Variants in NUP210 observed in about 807,000 individuals in gnomAD.
NUP210 encodes nuclear pore membrane glycoprotein 210.
Under a neutral mutation model 196.0 loss-of-function variants are expected in NUP210, and 151 were observed. That is an observed-to-expected ratio of 0.77 (90% CI 0.67 to 0.88). NUP210 has a LOEUF of 0.88. Among genes scored for constraint, NUP210 ranks in the 40% least tolerant of loss-of-function variants. NUP210 has a pLI of 0.00. For missense variants in NUP210, 2,314 were observed against 2,493.7 expected, an observed-to-expected ratio of 0.93 and a Z score of 1.53; for synonymous variants, 1,070 against 1,052.7, an observed-to-expected ratio of 1.02 and a Z score of -0.32.
chr3:13,367,618 G>A (rs770671553), intron 13 of NUP210, among the ~76,000 whole-genome samples: 21 of 151,986 alleles, frequency 1.4e-4, no homozygotes, highest in Non-Finnish European at 2.6e-4. Context: ...CCCCCCTGGC[G>A]CCTACCAGCA....
At position 13,399,847 on chromosome 3, in the gene NUP210, G is replaced by A. The variant is rs758491142; in HGVS notation, c.182C>T (p.Pro61Leu). The change falls in exon 2 of 40, where the codon CCG (proline) becomes CTG (leucine). Residue 61 changes from proline (P) to leucine (L), a missense_variant. By Grantham distance (98) the Pro-to-Leu change is moderately conservative. Coordinates refer to ENST00000254508, the MANE Select transcript of NUP210 (RefSeq NM_024923.4). Reference sequence around the variant, plus strand: ...CAGCGGCTCGATGCTGGCCACCTCCGGCCGGGTGGACAACCTGCAGTGGAA... The same window carrying A: ...CAGCGGCTCGATGCTGGCCACCTCCAGCCGGGTGGACAACCTGCAGTGGAA... The part of the protein sequence containing the change: ...EGCYRWLSTR[P>L]EVASIEPLGL... 3.0e-5 allele frequency: 48 copies of A among 1,608,682 alleles called. No individual in the cohort carries two copies. The highest frequency in any genetic ancestry group is 1.8e-4 in the South Asian group (16 of 90,246).
chr3:13,387,682 C>A (rs943530676), intron 5 of NUP210, among the ~76,000 whole-genome samples: 2 of 152,210 alleles, frequency 1.3e-5, no homozygotes, highest in African/African-American at 4.8e-5. Flanking sequence ...CAGCTCAAAA[C>A]GAGGCACTGG....
chr3:13,401,688 T>C (rs1699845465), intron 1 of NUP210, among the ~76,000 whole-genome samples: 1 of 152,144 alleles, frequency 6.6e-6, no homozygotes, highest in South Asian at 2.1e-4. Context: ...ACAGCACTAG[T>C]GCCCTACGGT....
At position 13,403,173 on chromosome 3, in the gene NUP210, C is replaced by G. The variant is rs534321118; in HGVS notation, c.168-3312G>C. Among the ~76,000 whole-genome samples, 4 of 152,358 alleles carry G rather than the reference C, an allele frequency of 2.6e-5. No individual in the cohort carries two copies. In the South Asian group the frequency reaches 8.3e-4, roughly 32 times the overall value. ...GTACTGGCTGCATTTTCAGAGCTCA[C>G]AGTCACACGTCTTAGTCTTTTGGGG... On this transcript the variant is annotated intron_variant, in intron 1 of 39. Transcript: ENST00000254508.
chr3:13,411,374 G>T (rs893868018), intron 1 of NUP210, among the ~76,000 whole-genome samples: 1 of 152,244 alleles, frequency 6.6e-6, no homozygotes, highest in Admixed American at 6.5e-5. Flanking sequence ...TTTGGACACA[G>T]CTCTGCCACT....
In NUP210 at chr3:13,379,596, G is replaced by A. The variant is rs149916127; in HGVS notation, c.943C>T (p.Leu315=). 6.2e-7 allele frequency: 1 copy of A among 1,614,146 alleles called. No homozygotes were observed. Among genetic ancestry groups the A allele is most frequent in the Non-Finnish European group, 8.5e-7 (1 of 1,180,042 alleles). ...QDTSMVTALQ[L]GQSSLVLGHR... is the part of the protein sequence containing the mutation. ...CCAAGGACGAGGCTGCTCTGTCCCAGCTGCAGTGCAGTGACCATCGACGTG... is the reference window on the plus strand; with the variant it reads ...CCAAGGACGAGGCTGCTCTGTCCCAACTGCAGTGCAGTGACCATCGACGTG... The change falls in exon 7 of 40, where the codon CTG becomes TTG. Residue 315 remains leucine, a synonymous_variant. Transcript: ENST00000254508. The surrounding 1 kb of genome is among the most constrained non-coding windows in gnomAD (Gnocchi z 4.2).
Position 13,379,642 on chromosome 3 carries a change from C to G in NUP210, c.897G>C (p.Pro299=). 2 of 1,614,090 alleles carry G rather than the reference C, an allele frequency of 1.2e-6. No homozygotes were observed. The highest frequency in any genetic ancestry group is 1.7e-6 in the Non-Finnish European group (2 of 1,180,018). The change falls in exon 7 of 40, where the codon CCG becomes CCC. Residue 299 remains proline (P), a synonymous_variant. Coordinates refer to ENST00000254508, the MANE Select transcript of NUP210 (RefSeq NM_024923.4). The surrounding 1 kb of genome is among the most constrained non-coding windows in gnomAD (Gnocchi z 4.2). ...ACGTGTCCTGGGCCAAGACAGCCAC[C>G]GGCCGGGCTGGGTCTCCTTCGGGGC... ...IPGPEGDPAR[P]VAVLAQDTSM...
At position 13,348,529 on chromosome 3, in the gene NUP210, C is replaced by T; in HGVS notation, c.2835+3350G>A. 1 of 985,394 alleles carries T rather than the reference C, an allele frequency of 1.0e-6. No individual in the cohort carries two copies. Among genetic ancestry groups the T allele is most frequent in the South Asian group, 4.7e-5 (1 of 21,284 alleles). The allele number at this position is 985,394 out of a possible 1,614,324, so 61.0% of individuals were successfully genotyped here. A position where few individuals can be genotyped will look rare whatever the true frequency, so the allele number is the denominator to read the frequency against. ...GTTTTTATTAATTTCCAAAAATAAA[C>T]AAAACAAGGCATATGTCAAGCAGTC... On this transcript the variant is annotated intron_variant, in intron 20 of 39. Transcript: ENST00000254508. The surrounding 1 kb of genome is among the most constrained non-coding windows in gnomAD (Gnocchi z 4.0).
chr3:13,342,211 C>T (rs1210810142), intron 21 of NUP210, 88 bp from the exon 22 acceptor site: 4 of 1,513,938 alleles, frequency 2.6e-6, no homozygotes, highest in Non-Finnish European at 3.6e-6. Flanking sequence ...GAGATAGCAT[C>T]ACTAACCTCA....
At chr3:13,401,709 G>C (rs116015721) in intron 1 of NUP210, among the ~76,000 whole-genome samples, 1 of 152,044 alleles carries the variant, frequency 6.6e-6, no homozygotes, top group Admixed American at 6.5e-5. Flanking sequence ...GTTTTTCGAG[G>C]GGCTTTAAAC....
rs1699355054 is a variant in NUP210, at chr3:13,388,372, G to C, written c.615C>G (p.Thr205=). ...EMEKAAKQGD[T]ILVSGMKTGS... The stretch of plus-strand genomic sequence containing the variant: ...CGGTCTTCATCCCAGACACCAGGAT[G>C]GTGTCCCCTTGCTTGGCAGCCTTCT... Residue 205 remains threonine, a synonymous_variant, in exon 5 of 40, where the codon ACC becomes ACG. Transcript: ENST00000254508. The C allele has an allele frequency of 6.2e-7, 1 of 1,612,906 alleles. No individual in the cohort carries two copies. The highest frequency in any genetic ancestry group is 1.3e-5 in the African/African-American group (1 of 74,964).
At position 13,350,921 on chromosome 3, in the gene NUP210, A is replaced by C. The variant is rs1338795387; in HGVS notation, c.2835+958T>G. 6.6e-6 allele frequency among the ~76,000 whole-genome samples: 1 copy of C among 151,960 alleles called. No homozygotes were observed. The highest frequency in any genetic ancestry group is 1.5e-5 in the Non-Finnish European group (1 of 67,980). On this transcript the variant is annotated intron_variant, in intron 20 of 39. Transcript: ENST00000254508. This position sits in a 1 kb window ranked among gnomAD's most constrained non-coding sequence, Gnocchi z 4.1. ...CACCGTGTTAGCCAGGATGGTCTCA[A>C]TCTCCTGACCTTGTGATCAGCCTGC...
At chr3:13,401,258 T>TTAAAAAAAAAAAAAAAAAAAAAAAAAA (rs1162470689) in intron 1 of NUP210, among the ~76,000 whole-genome samples, 1 of 16,502 alleles carries the variant, frequency 6.1e-5, no homozygotes, top group Non-Finnish European at 1.0e-4. Context: ...AGACTCTGGC[T>TTAAAAAAAAAAAAAAAAAAAAAAAAAA]CAAAAAAAAA....
At chr3:13,355,711 C>G (rs1363659018) in intron 16 of NUP210, among the ~76,000 whole-genome samples, 2 of 152,230 alleles carry the variant, frequency 1.3e-5, no homozygotes, top group East Asian at 3.8e-4. Context: ...TAGGCCAGCA[C>G]CATCAGCAGG....
rs1175493494 is a variant in NUP210 at position 13,352,099 on chromosome 3, T to C, written c.2714A>G (p.Tyr905Cys). ...VRVSPEEVTI[Y>C]NHPGIQAELR... is the part of the protein sequence containing the mutation. ...CTGTACCTGGATGCCAGGGTGGTTGTAGATGGTCACCTCTTCTGGGCTCAC... is the reference window on the plus strand; with the variant it reads ...CTGTACCTGGATGCCAGGGTGGTTGCAGATGGTCACCTCTTCTGGGCTCAC... Residue 905 changes from tyrosine to cysteine, a missense_variant, in exon 19 of 40, where the codon TAC becomes TGC. Transcript: ENST00000254508. 4 of 1,614,040 alleles carry C rather than the reference T, an allele frequency of 2.5e-6. 1 individual carries two copies. The highest frequency in any genetic ancestry group is 3.4e-6 in the Non-Finnish European group (4 of 1,179,908).
chr3:13,359,181 C>T (rs947599411), intron 15 of NUP210, among the ~76,000 whole-genome samples: 2 of 152,176 alleles, frequency 1.3e-5, no homozygotes, highest in African/African-American at 4.8e-5. Context: ...GCACCTGGTG[C>T]CGCATGTGAG....
intron 13 of NUP210, among the ~76,000 whole-genome samples, 168 bp downstream of exon 13, chr3:13,371,666 G>T (rs1698735324): frequency 6.6e-6 from 1 of 152,192 alleles, no homozygotes; most frequent in South Asian, 2.1e-4. Flanking sequence ...GCAAGATCCA[G>T]GCCAGACAGG....
chr3:13,357,633 G>A (rs1698225895), intron 16 of NUP210, among the ~76,000 whole-genome samples: 1 of 152,116 alleles, frequency 6.6e-6, no homozygotes, highest in Non-Finnish European at 1.5e-5. Context: ...CAGCACCTTG[G>A]GCTCTGAATG....
intron 3 of NUP210, among the ~76,000 whole-genome samples, chr3:13,393,005 T>C (rs1699540798): frequency 6.6e-6 from 1 of 152,210 alleles, no homozygotes; most frequent in South Asian, 2.1e-4. Context: ...TGTGACCCAG[T>C]AACCAGAAAC....
Sources: gnomAD v4.1 joint callset for allele counts (sites outside exome capture counted in the v4.1 genomes callset) on GRCh38, gnomAD v4.1.1 for gene constraint, Gnocchi (gnomAD v3.1) non-coding constraint, MANE v1.5 for transcripts, NCBI Gene and HGNC (gene_info 2026-07-23, HGNC 2026-07-21) for gene names.